The following UBR2 variants were observed in gnomAD, a reference collection of about 807,000 sequenced individuals.
The protein encoded by UBR2 is ubiquitin protein ligase E3 component n-recognin 2.
In UBR2, 92 loss-of-function variants were observed where a neutral mutation model predicts 247.9. The ratio of observed to expected loss-of-function variants is 0.37; its 90% confidence interval spans 0.31 to 0.44. The LOEUF (loss-of-function observed/expected upper bound fraction) is 0.44. Ranked by LOEUF, UBR2 falls within the 20% of genes least tolerant of loss-of-function variation. UBR2 has a pLI of 1.00. For synonymous variants in UBR2, 672 were observed against 693.5 expected (o/e 0.97, Z 0.49); for missense variants, 1,613 against 2,112.6 (o/e 0.76, Z 4.64).
At chr6:42,575,187 C>CA (rs770382945) in intron 2 of UBR2, among the ~76,000 whole-genome samples, 14 of 151,690 alleles carry the variant, frequency 9.2e-5, no homozygotes, top group Non-Finnish European at 1.6e-4. Context: ...GATGTGTTGT[C>CA]AGAGACATTA....
rs530874209 is a variant in UBR2 at position 42,684,860 on chromosome 6, A to C, written c.4842A>C (p.Ala1614=). Residue 1614 remains alanine, a synonymous_variant, in exon 44 of 47, where the codon GCA becomes GCC. Coordinates refer to ENST00000372901, the MANE Select transcript of UBR2 (RefSeq NM_001363705.2). ...ATTACAGCAGCCTCATTAATCAAGC[A>C]TCCAATTTCTCGTAAGTTTTGCTGT... ...PEDYSSLINQ[A]SNFSCPKSGG... The C allele has an allele frequency of 1.2e-6, 2 of 1,612,456 alleles. No individual in the cohort carries two copies. Among genetic ancestry groups the C allele is most frequent in the South Asian group, 2.2e-5 (2 of 90,794 alleles).
chr6:42,568,796 G>A (rs1182245104), intron 1 of UBR2, among the ~76,000 whole-genome samples: 3 of 152,046 alleles, frequency 2.0e-5, no homozygotes, highest in African/African-American at 7.2e-5. Flanking sequence ...GTATTGTTAC[G>A]CTTGCCACCA....
intron 36 of UBR2, among the ~76,000 whole-genome samples, chr6:42,672,895 G>A (rs1326622621): frequency 6.6e-6 from 1 of 152,032 alleles, no homozygotes; most frequent in African/African-American, 2.4e-5. Context: ...AAGACCTAGT[G>A]TATATAGTAG....
At chr6:42,669,627 T>G (rs1798318044) in intron 34 of UBR2, among the ~76,000 whole-genome samples, 1 of 152,218 alleles carries the variant, frequency 6.6e-6, no homozygotes, top group South Asian at 2.1e-4. Context: ...CATAAGGCAA[T>G]GAGCATAAGG....
chr6:42,611,862 G>A (rs1195531977), intron 7 of UBR2, among the ~76,000 whole-genome samples: 22 of 149,314 alleles, frequency 1.5e-4, no homozygotes, highest in African/African-American at 5.4e-4. Flanking sequence ...AGCCGAGATT[G>A]CTCCACTGCA....
At chr6:42,607,651 A>AC (rs1199775703) in intron 7 of UBR2, among the ~76,000 whole-genome samples, 12 of 28,448 alleles carry the variant, frequency 4.2e-4, no homozygotes, top group Non-Finnish European at 7.3e-4. Flanking sequence ...AGTAGCTGGG[A>AC]GGACAGGCAT....
At chr6:42,647,678 T>C (rs375632801) in intron 21 of UBR2, among the ~76,000 whole-genome samples, 3 of 152,302 alleles carry the variant, frequency 2.0e-5, no homozygotes, top group African/African-American at 4.8e-5. Flanking sequence ...CCTATTAATA[T>C]CTTATCGTGA....
chr6:42,584,681 CT>C (rs1003129127), intron 2 of UBR2, among the ~76,000 whole-genome samples: 2 of 152,074 alleles, frequency 1.3e-5, no homozygotes, highest in Non-Finnish European at 2.9e-5. Flanking sequence ...TTAAGGCCTT[CT>C]TTAATTCCTT....
At chr6:42,599,340 A>G (rs1239925442) in intron 4 of UBR2, among the ~76,000 whole-genome samples, 1 of 152,152 alleles carries the variant, frequency 6.6e-6, no homozygotes, top group Non-Finnish European at 1.5e-5. Flanking sequence ...GCTGAGGTGG[A>G]GGATCACTTT....
chr6:42,606,635 C>CA lies in UBR2; in HGVS notation c.852dup (p.Ser285IlefsTer9). The CA allele has an allele frequency of 6.2e-7, 1 of 1,606,636 alleles. No homozygotes were observed. On this transcript the variant is annotated frameshift_variant, in exon 7 of 47. Coordinates refer to ENST00000372901, the MANE Select transcript of UBR2 (RefSeq NM_001363705.2). LOFTEE classifies it high-confidence loss of function. ...GGAGATTTTCAGTATTGTGAGCAAG[C>CA]AAAATCAGTAATTGTGGTAAGTAAT...
At chr6:42,620,939 G>A (rs1190483528) in intron 11 of UBR2, among the ~76,000 whole-genome samples, 1 of 152,006 alleles carries the variant, frequency 6.6e-6, no homozygotes, top group East Asian at 1.9e-4. Context: ...TGAGTAGCTG[G>A]GGCTACAGGC....
intron 2 of UBR2, among the ~76,000 whole-genome samples, chr6:42,583,713 A>C (rs939624402): frequency 2.0e-5 from 3 of 151,584 alleles, no homozygotes; most frequent in African/African-American, 7.3e-5. Context: ...TAGTAGAGAC[A>C]GGTTTTCACC....
At chr6:42,631,708 C>G (rs1345246178) in intron 11 of UBR2, among the ~76,000 whole-genome samples, 6 of 150,624 alleles carry the variant, frequency 4.0e-5, no homozygotes, top group East Asian at 3.9e-4. Flanking sequence ...GGGACATTGT[C>G]CCATATCAAG....
intron 22 of UBR2, among the ~76,000 whole-genome samples, chr6:42,649,677 C>T (rs1796994831): frequency 6.6e-6 from 1 of 151,962 alleles, no homozygotes; most frequent in Non-Finnish European, 1.5e-5. Context: ...GTTTATTGGC[C>T]GTTTATTTTT....
chr6:42,599,892 A>G lies in UBR2; in HGVS notation c.532-3696A>G, dbSNP rs116770971. ...ATTACAAGTGTGAGCCACCACGCCT[A>G]GCTAGAATTGTTTTTTTAAATGAAA... On this transcript the variant is annotated intron_variant, in intron 4 of 46. Coordinates refer to ENST00000372901, the MANE Select transcript of UBR2 (RefSeq NM_001363705.2). 4.0e-3 allele frequency among the ~76,000 whole-genome samples: 611 copies of G among 152,284 alleles called. 1 individual carries two copies. Among genetic ancestry groups the G allele is most frequent in the African/African-American group, 0.014 (568 of 41,570 alleles).
At chr6:42,641,528 A>G (rs1796446899) in intron 16 of UBR2, 54 bp from the exon 17 acceptor site, 1 of 1,387,022 alleles carries the variant, frequency 7.2e-7, no homozygotes, top group African/African-American at 1.5e-5. Context: ...TTTAGAACTG[A>G]TTTTATGTGT....
At chr6:42,649,456 C>G (rs906221954) in intron 22 of UBR2, among the ~76,000 whole-genome samples, 1 of 152,158 alleles carries the variant, frequency 6.6e-6, no homozygotes, top group Non-Finnish European at 1.5e-5. Context: ...GAAAGTGTTT[C>G]TTTGAGGATT....
At chr6:42,586,915 G>A (rs745377816) in intron 2 of UBR2, among the ~76,000 whole-genome samples, 95 of 145,898 alleles carry the variant, frequency 6.5e-4, no homozygotes, top group Non-Finnish European at 1.2e-3. Flanking sequence ...TCGCCTCCCA[G>A]ACTCAAGTGA....
At chr6:42,603,356 G>A (rs1793505839) in intron 4 of UBR2, among the ~76,000 whole-genome samples, 1 of 152,172 alleles carries the variant, frequency 6.6e-6, no homozygotes, top group South Asian at 2.1e-4. Context: ...GAGTGCCATT[G>A]AATATTTTGA....
Sources: allele counts gnomAD v4.1 joint callset (sites outside exome capture counted in the v4.1 genomes callset), GRCh38; gene constraint gnomAD v4.1.1; transcripts MANE v1.5; gene names NCBI Gene and HGNC (gene_info 2026-07-23, HGNC 2026-07-21).